The following KCNH2 variants were observed in gnomAD, a reference collection of about 807,000 sequenced individuals.
The protein encoded by KCNH2 is potassium voltage-gated channel subfamily H member 2.
KCNH2 carries 35 observed loss-of-function variants against 95.9 expected under a neutral mutation model. The observed-to-expected ratio is 0.37, with a 90% CI of 0.28 to 0.48. The LOEUF (loss-of-function observed/expected upper bound fraction) is 0.48. KCNH2 is among the 20% of genes least tolerant of loss of function. KCNH2 has a pLI of 0.99. For missense variants in KCNH2, 1,274 were observed against 1,702.9 expected, an observed-to-expected ratio of 0.75 and a Z score of 4.43; for synonymous variants, 786 against 754.7, an observed-to-expected ratio of 1.04 and a Z score of -0.68.
chr7:150,976,220 G>A (rs1386615842), intron 1 of KCNH2, among the ~76,000 whole-genome samples: 1 of 151,678 alleles, frequency 6.6e-6, no homozygotes, highest in South Asian at 2.1e-4. Context: ...GCAATCCTAC[G>A]TGCAAAGCTG....
chr7:150,950,110 G>A lies in KCNH2; in HGVS notation c.2398+58C>T, dbSNP rs774109163. ...CAGTGACTGCATATTCAGAAGGCTC[G>A]CACCTCTTGAGGCTGCAGAGGGCAT... On this transcript the variant is annotated intron_variant, in intron 9 of 14. Transcript: ENST00000262186. 7.4e-6 allele frequency: 12 copies of A among 1,611,224 alleles called. No individual in the cohort carries two copies. The highest frequency in any genetic ancestry group is 1.7e-4 in the Middle Eastern group (1 of 6,042).
At chr7:150,949,161 C>T (rs1801038894) in intron 9 of KCNH2, 112 bp from the exon 10 acceptor site, 10 of 1,134,090 alleles carry the variant, frequency 8.8e-6, no homozygotes, top group South Asian at 1.4e-5. Flanking sequence ...TCAGCTGGGT[C>T]GCCTGCCAGC....
Position 150,977,869 on chromosome 7 carries a change from C to T in KCNH2, c.45G>A (p.Leu15=). ...RGHVAPQNTF[L]DTIIRKFEGQ... ...CCTCAAACTTGCGGATGATGGTGTC[C>T]AGGAAGGTGTTCTGCGGCGCGACGT... Residue 15 remains leucine, a synonymous_variant, in exon 1 of 15, where the codon CTG becomes CTA. Coordinates refer to ENST00000262186, the MANE Select transcript of KCNH2 (RefSeq NM_000238.4). 6.3e-7 allele frequency: 1 copy of T among 1,591,258 alleles called. No homozygotes were observed. The highest frequency in any genetic ancestry group is 8.6e-7 in the Non-Finnish European group (1 of 1,169,186).
In KCNH2 at chr7:150,958,361, G is replaced by A. The variant is rs1326885330; in HGVS notation, c.614C>T (p.Pro205Leu). Residue 205 changes from proline to leucine, a missense_variant, in exon 4 of 15, where the codon CCC becomes CTC. Transcript: ENST00000262186. ...GTCCAGGGCCAGCGACTCGCTGCTG[G>A]GTGCCGCGGGCGTCAGGTCCACGTC... Reference protein sequence around the residue: ...VVDVDLTPAAPSSESLALDEV... With the variant: ...VVDVDLTPAALSSESLALDEV... 31 of 1,483,990 alleles carry A rather than the reference G, an allele frequency of 2.1e-5. No homozygotes were observed. Among genetic ancestry groups the A allele is most frequent in the Non-Finnish European group, 2.6e-5 (29 of 1,124,564 alleles). The allele number at this position is 1,483,990 out of a possible 1,614,324, so 91.9% of individuals were successfully genotyped here. A position where few individuals can be genotyped will look rare whatever the true frequency, so the allele number is the denominator to read the frequency against.
rs769259008 is a variant in KCNH2 at position 150,947,789 on chromosome 7, C to T, written c.2782G>A (p.Gly928Arg). ...GAGGGGCCACTGGACGGGCTCTCCC[C>T]CCACGGCCCCCCCGGCCGGCCCCGG... ...SSRGRPGGPW[G>R]ESPSSGPSSP... is the part of the protein sequence containing the mutation. Residue 928 changes from glycine (G) to arginine (R), a missense_variant, in exon 12 of 15, where the codon GGG becomes AGG. By Grantham distance (125) the Gly-to-Arg change is moderately radical (BLOSUM62 -2). Coordinates refer to ENST00000262186, the MANE Select transcript of KCNH2 (RefSeq NM_000238.4). 6.5e-7 allele frequency: 1 copy of T among 1,534,466 alleles called. No homozygotes were observed. The highest frequency in any genetic ancestry group is 8.7e-7 in the Non-Finnish European group (1 of 1,144,744).
intron 2 of KCNH2, among the ~76,000 whole-genome samples, chr7:150,964,720 G>T (rs375989689): frequency 1.3e-5 from 2 of 152,228 alleles, no homozygotes; most frequent in East Asian, 3.9e-4. Flanking sequence ...GGAGCAGGAG[G>T]AGCTGTGCCC....
rs949179090 is a variant in KCNH2 at position 150,977,995 on chromosome 7, C to G, written c.-82G>C. 2.9e-6 allele frequency: 2 copies of G among 681,926 alleles called. No individual in the cohort carries two copies. The highest frequency in any genetic ancestry group is 7.8e-5 in the East Asian group (2 of 25,578). The allele number at this position is 681,926 out of a possible 1,614,324, so 42.2% of individuals were successfully genotyped here. On this transcript the variant is annotated 5_prime_UTR_variant, in exon 1 of 15. Transcript: ENST00000262186. ...AGCACTAGGCTTCGGGTGGCCCGGC[C>G]GGGCCGTGGTCCCCGCACCCCGCGG...
Position 150,956,117 on chromosome 7 carries a change from CACAT to C in KCNH2, c.1128+1170_1128+1173del, listed in dbSNP as rs572161852. Among the ~76,000 whole-genome samples the C allele has an allele frequency of 1.1e-4, 17 of 152,292 alleles. No homozygotes were observed. In the South Asian group the frequency reaches 2.3e-3, roughly 20 times the overall value. ...TGGCAGGAACACACACGCCTGCCGA[CACAT>C]ACAGGCGCACATGCACAGACCCACC... On this transcript the variant is annotated intron_variant, in intron 5 of 14. Transcript: ENST00000262186.
rs751391870 is a variant in KCNH2, at chr7:150,957,386, C to T, written c.1033G>A (p.Gly345Ser). 2 of 1,614,170 alleles carry T rather than the reference C, an allele frequency of 1.2e-6. No individual in the cohort carries two copies. Among genetic ancestry groups the T allele is most frequent in the South Asian group, 1.1e-5 (1 of 91,074 alleles). Reference sequence around the variant, plus strand: ...GTGGGCGAAGCCAAGAAGGGGTCGCCCTTGAGGTCCACAAAGTTGAGGGTG... The same window carrying T: ...GTGGGCGAAGCCAAGAAGGGGTCGCTCTTGAGGTCCACAAAGTTGAGGGTG... Reference protein sequence around the residue: ...QITLNFVDLKGDPFLASPTSD... With the variant: ...QITLNFVDLKSDPFLASPTSD... The change falls in exon 5 of 15, where the codon GGC (glycine) becomes AGC (serine). Residue 345 changes from glycine (G) to serine (S), a missense_variant. Gly to Ser is a moderately conservative substitution (Grantham distance 56, BLOSUM62 0). Transcript: ENST00000262186.
At chr7:150,954,856 C>T (rs986337962) in intron 5 of KCNH2, among the ~76,000 whole-genome samples, 2 of 152,224 alleles carry the variant, frequency 1.3e-5, no homozygotes, top group African/African-American at 4.8e-5. Context: ...CCTCGGCTGC[C>T]CATGAAGAGA....
chr7:150,953,808 C>A (rs1179327967), intron 5 of KCNH2, among the ~76,000 whole-genome samples: 1 of 152,214 alleles, frequency 6.6e-6, no homozygotes, highest in African/African-American at 2.4e-5. Context: ...TCCCTGCCAT[C>A]CCTGGGCAGC....
In KCNH2 at chr7:150,947,820, C is replaced by A; in HGVS notation, c.2751G>T (p.Pro917=). 6.6e-7 allele frequency: 1 copy of A among 1,526,182 alleles called. No homozygotes were observed. Among genetic ancestry groups the A allele is most frequent in the Non-Finnish European group, 8.8e-7 (1 of 1,142,266 alleles). 94.5% of individuals were successfully genotyped at this position (1,526,182 alleles called of 1,614,324 possible). The change falls in exon 12 of 15, where the codon CCG becomes CCT. Residue 917 remains proline (P), a synonymous_variant. Coordinates refer to ENST00000262186, the MANE Select transcript of KCNH2 (RefSeq NM_000238.4). ...ALGPGRAGAG[P]SSRGRPGGPW... is the part of the protein sequence containing the mutation. ...GCCCCCCCGGCCGGCCCCGGCTACTCGGCCCTGCCCCCGCCCGGCCCGGCC... is the reference window on the plus strand; with the variant it reads ...GCCCCCCCGGCCGGCCCCGGCTACTAGGCCCTGCCCCCGCCCGGCCCGGCC...
chr7:150,977,366 A>G (rs77536147), intron 1 of KCNH2, among the ~76,000 whole-genome samples: 2,892 of 152,212 alleles, frequency 0.019, 79 homozygotes, highest in African/African-American at 0.06. Flanking sequence ...AGAGATTATG[A>G]GCTGACCCTG....
intron 9 of KCNH2, 179 bp downstream of exon 9, chr7:150,949,989 C>A (rs373927190): frequency 6.4e-7 from 1 of 1,553,112 alleles, no homozygotes; most frequent in Admixed American, 2.0e-5. Context: ...CCTCACCCCA[C>A]GTGGGGCTCC....
In KCNH2 at chr7:150,951,013, G is replaced by A. The variant is rs778135438; in HGVS notation, c.2053C>T (p.Arg685Cys). ...AGGGGATTGGGGATCTGGTGGAAGC[G>A]GATGAACTCCCGCACCCGCAGCATC... ...TQMLRVREFIRFHQIPNPLRQ... is the reference protein window; with the variant it reads ...TQMLRVREFICFHQIPNPLRQ... The change falls in exon 8 of 15, where the codon CGC becomes TGC. Residue 685 changes from arginine to cysteine, a missense_variant. Physicochemically the swap from Arg to Cys is radical, Grantham distance 180. Around this residue, in one of 7 missense-constraint regions of KCNH2, gnomAD observed 159 missense variants for 282.5 expected, o/e 0.56. Coordinates refer to ENST00000262186, the MANE Select transcript of KCNH2 (RefSeq NM_000238.4). The A allele has an allele frequency of 3.7e-6, 6 of 1,614,116 alleles. No homozygotes were observed. In the African/African-American group the frequency reaches 5.3e-5, roughly 14 times the overall value.
intron 1 of KCNH2, 60 bp from the exon 2 acceptor site, chr7:150,975,001 C>G (rs1801945241): frequency 7.0e-7 from 1 of 1,423,386 alleles, no homozygotes; most frequent in Non-Finnish European, 9.5e-7. Flanking sequence ...GGACTCCCAG[C>G]CCTTCCCCAC....
intron 5 of KCNH2, chr7:150,955,888 G>A (rs1801360069): frequency 1.1e-6 from 1 of 934,650 alleles, no homozygotes; most frequent in South Asian, 5.1e-5. Flanking sequence ...CGCCCCGCCG[G>A]TGCCCAGCCA....
chr7:150,950,936 G>C lies in KCNH2; in HGVS notation c.2130C>G (p.Gly710=). ...GTGGCCTCACCGCGTTCATGTCGAT[G>C]CCGTTGGTGTAGGACCAGGCGTGCT... ...YFQHAWSYTN[G]IDMNAVLKGF... is the part of the protein sequence containing the mutation. The change falls in exon 8 of 15, where the codon GGC becomes GGG. Residue 710 remains glycine (G), a synonymous_variant. Transcript: ENST00000262186. 2 of 1,614,184 alleles carry C rather than the reference G, an allele frequency of 1.2e-6. No individual in the cohort carries two copies. The highest frequency in any genetic ancestry group is 1.7e-6 in the Non-Finnish European group (2 of 1,180,026).
intron 7 of KCNH2, 81 bp downstream of exon 7, chr7:150,951,367 C>A (rs1451952641): frequency 1.9e-6 from 3 of 1,573,576 alleles, no homozygotes; most frequent in East Asian, 4.5e-5. Context: ...TCACTCTGGC[C>A]CGGCTAGCAG....
Sources: allele counts gnomAD v4.1 joint callset (sites outside exome capture counted in the v4.1 genomes callset), GRCh38; gene constraint gnomAD v4.1.1; regional missense constraint gnomAD v4.1.1; transcripts MANE v1.5; gene names NCBI Gene and HGNC (gene_info 2026-07-23, HGNC 2026-07-21).